Variants in CDH13 observed in about 807,000 individuals in gnomAD.
CDH13 encodes cadherin-13.
In CDH13, 24 loss-of-function variants were observed where a neutral mutation model predicts 63.8. The ratio of observed to expected loss-of-function variants is 0.38; its 90% confidence interval spans 0.27 to 0.53. CDH13 has a LOEUF of 0.53. Ranked by LOEUF, CDH13 falls within the 20% of genes least tolerant of loss-of-function variation. CDH13 has a pLI of 0.85. For missense variants in CDH13, 1,049 were observed against 903.1 expected, an observed-to-expected ratio of 1.16 and a Z score of -2.07; for synonymous variants, 503 against 355.3, an observed-to-expected ratio of 1.42 and a Z score of -4.67.
At chr16:83,320,878 G>C (rs2090208740) in intron 5 of CDH13, among the ~76,000 whole-genome samples, 10 of 152,182 alleles carry the variant, frequency 6.6e-5, no homozygotes, top group Admixed American at 6.5e-4. Context: ...AGGGATGGAA[G>C]AATTTAGGAA....
chr16:82,717,826 A>T (rs1346987357), intron 1 of CDH13, among the ~76,000 whole-genome samples: 2 of 151,974 alleles, frequency 1.3e-5, no homozygotes, highest in African/African-American at 4.8e-5. Context: ...ACCTTTGGGG[A>T]TCATTATTCA....
chr16:82,868,019 T>G (rs1219522538), intron 2 of CDH13, among the ~76,000 whole-genome samples: 1 of 152,210 alleles, frequency 6.6e-6, no homozygotes, highest in East Asian at 1.9e-4. Context: ...CACACATCCT[T>G]TACATATTTT....
At chr16:83,151,202 G>T (rs1203482484) in intron 4 of CDH13, among the ~76,000 whole-genome samples, 1 of 152,192 alleles carries the variant, frequency 6.6e-6, no homozygotes, top group East Asian at 1.9e-4. Context: ...AGGCCCATCA[G>T]AGAGACAGAC....
At chr16:83,001,148 A>C (rs976138147) in intron 2 of CDH13, among the ~76,000 whole-genome samples, 2 of 152,246 alleles carry the variant, frequency 1.3e-5, no homozygotes, top group African/African-American at 4.8e-5. Context: ...CCTTGAAGAA[A>C]AAGATGACTT....
chr16:83,056,319 A>G (rs1001704001), intron 3 of CDH13, among the ~76,000 whole-genome samples: 10 of 152,230 alleles, frequency 6.6e-5, no homozygotes, highest in Non-Finnish European at 2.9e-5. Flanking sequence ...AAACAAATGT[A>G]TACACATGTA....
At position 83,260,729 on chromosome 16, in the gene CDH13, C is replaced by G. The variant is rs146990337; in HGVS notation, c.636+43232C>G. 3.8e-3 allele frequency among the ~76,000 whole-genome samples: 583 copies of G among 152,304 alleles called. 6 individuals carry two copies. Among genetic ancestry groups the G allele is most frequent in the African/African-American group, 0.013 (534 of 41,572 alleles). On this transcript the variant is annotated intron_variant, in intron 5 of 13. Transcript: ENST00000567109. ...CACCGACAGCCCCATCCAGTAATGC[C>G]TCCTTTCTCCTTCAAGGGCATCTTA...
chr16:82,885,557 A>T (rs2040860150), intron 2 of CDH13, among the ~76,000 whole-genome samples: 1 of 151,834 alleles, frequency 6.6e-6, no homozygotes, highest in Admixed American at 6.6e-5. Flanking sequence ...CCATCCATCC[A>T]TTCACTTATC....
intron 4 of CDH13, among the ~76,000 whole-genome samples, chr16:83,155,956 G>T (rs550145215): frequency 1.3e-5 from 2 of 152,168 alleles, no homozygotes; most frequent in Non-Finnish European, 2.9e-5. Context: ...GGGAGGACCT[G>T]GTCATCAGCA....
At chr16:83,311,544 G>A (rs1274775341) in intron 5 of CDH13, among the ~76,000 whole-genome samples, 3 of 152,104 alleles carry the variant, frequency 2.0e-5, no homozygotes. Context: ...AAATGCATAT[G>A]CTATGATTTG....
At chr16:83,267,977 A>G (rs997682175) in intron 5 of CDH13, among the ~76,000 whole-genome samples, 2 of 152,160 alleles carry the variant, frequency 1.3e-5, no homozygotes, top group African/African-American at 4.8e-5. Context: ...TGGCAAATTA[A>G]TCAAGCTTTA....
chr16:83,379,919 G>GTATATATATATATATATA (rs747045728), intron 6 of CDH13, among the ~76,000 whole-genome samples: 14 of 126,436 alleles, frequency 1.1e-4, no homozygotes, highest in African/African-American at 4.2e-4. Flanking sequence ...ATGTGTGTGT[G>GTATATATATATATATATA]TATATATATA....
chr16:83,276,155 C>A (rs966917891), intron 5 of CDH13, among the ~76,000 whole-genome samples: 6 of 152,142 alleles, frequency 3.9e-5, no homozygotes, highest in African/African-American at 9.7e-5. Flanking sequence ...TTGTCCGAAT[C>A]CTTTCAAGGG....
At chr16:83,045,562 A>G (rs940091241) in intron 3 of CDH13, among the ~76,000 whole-genome samples, 2 of 150,076 alleles carry the variant, frequency 1.3e-5, no homozygotes, top group African/African-American at 4.9e-5. Flanking sequence ...GCTCGAACTC[A>G]GGAGGCAGAG....
intron 3 of CDH13, among the ~76,000 whole-genome samples, chr16:83,065,742 A>AT (rs2031959311): frequency 7.1e-6 from 1 of 140,944 alleles, no homozygotes; most frequent in African/African-American, 2.7e-5. Flanking sequence ...AAAAAAAAAA[A>AT]CAAGACTACT....
At chr16:83,695,264 C>G (rs1422856290) in intron 10 of CDH13, among the ~76,000 whole-genome samples, 2 of 152,202 alleles carry the variant, frequency 1.3e-5, no homozygotes, top group Non-Finnish European at 2.9e-5. Flanking sequence ...TTAAGTAAAG[C>G]AGGATCATTG....
chr16:83,552,698 TAAAG>T (rs1343259328), intron 7 of CDH13, among the ~76,000 whole-genome samples: 1 of 152,206 alleles, frequency 6.6e-6, no homozygotes, highest in African/African-American at 2.4e-5. Context: ...AATTTGTCAC[TAAAG>T]AAAGAATGTT....
chr16:83,115,640 G>T (rs2035258006), intron 3 of CDH13, among the ~76,000 whole-genome samples: 2 of 152,230 alleles, frequency 1.3e-5, no homozygotes. Context: ...CTGACTGCAT[G>T]AGTCTCACCT....
intron 8 of CDH13, among the ~76,000 whole-genome samples, chr16:83,619,383 G>A (rs1909595330): frequency 6.6e-6 from 1 of 152,232 alleles, no homozygotes; most frequent in African/African-American, 2.4e-5. Flanking sequence ...TGGAGCTCAG[G>A]GAGGGCTTCT....
intron 1 of CDH13, among the ~76,000 whole-genome samples, chr16:82,778,040 G>T (rs911523733): frequency 1.3e-5 from 2 of 152,154 alleles, no homozygotes; most frequent in Non-Finnish European, 2.9e-5. Context: ...CTTTAGAAGC[G>T]AGTCAGTAAG....
Sources: allele counts gnomAD v4.1 joint callset (sites outside exome capture counted in the v4.1 genomes callset), GRCh38; gene constraint gnomAD v4.1.1; transcripts MANE v1.5; gene names NCBI Gene and HGNC (gene_info 2026-07-23, HGNC 2026-07-21).